Variants in CCDC6 observed in about 807,000 individuals in gnomAD.
CCDC6 encodes the protein coiled-coil domain containing 6.
CCDC6 carries 20 observed loss-of-function variants against 56.6 expected under a neutral mutation model. The observed-to-expected ratio is 0.35, with a 90% CI of 0.25 to 0.51. The LOEUF is 0.51. Among genes scored for constraint, CCDC6 ranks in the 20% least tolerant of loss-of-function variants. CCDC6 has a pLI of 0.95. For synonymous variants in CCDC6, 241 were observed against 234.4 expected, an observed-to-expected ratio of 1.03 and a Z score of -0.26; for missense variants, 367 against 601.1, an observed-to-expected ratio of 0.61 and a Z score of 4.07.
In CCDC6 at chr10:59,816,232, A is replaced by G. The variant is rs79423355; in HGVS notation, c.583-1477T>C. On this transcript the variant is annotated intron_variant, in intron 3 of 8. Coordinates refer to ENST00000263102, the MANE Select transcript of CCDC6 (RefSeq NM_005436.5). ...CAATCAAGACCTGAGAGGAAATGATATAAGGATAATGATATCATTATGTTC... is the reference window on the plus strand; with the variant it reads ...CAATCAAGACCTGAGAGGAAATGATGTAAGGATAATGATATCATTATGTTC... 2.8e-3 allele frequency among the ~76,000 whole-genome samples: 419 copies of G among 152,332 alleles called. 3 individuals are homozygous for G. Among genetic ancestry groups the G allele is most frequent in the African/African-American group, 9.7e-3 (405 of 41,574 alleles).
chr10:59,818,498 G>GGGC lies in CCDC6; in HGVS notation c.583-3744_583-3743insGCC, dbSNP rs1554883203. Reference sequence around the variant, plus strand: ...CGTCCTTTTATTATAATGTTGACGGGGGGGGGGGAAGCAGATTCTCAGTGG... The same window carrying GGGC: ...CGTCCTTTTATTATAATGTTGACGGGGGCGGGGGGGGAAGCAGATTCTCAGTGG... On this transcript the variant is annotated intron_variant, in intron 3 of 8. Coordinates refer to ENST00000263102, the MANE Select transcript of CCDC6 (RefSeq NM_005436.5). Among the ~76,000 whole-genome samples the GGGC allele has an allele frequency of 9.4e-5, 11 of 116,534 alleles. 2 individuals are homozygous for GGGC. The South Asian group carries it at 1.4e-3, about 15-fold the overall frequency. The allele number at this position is 116,534 out of a possible 152,430, so 76.5% of individuals were successfully genotyped here.
chr10:59,846,970 G>A (rs79789747), intron 2 of CCDC6, among the ~76,000 whole-genome samples: 1 of 152,208 alleles, frequency 6.6e-6, no homozygotes. Flanking sequence ...CTAAAACCAT[G>A]ATCAATCTCA....
intron 1 of CCDC6, among the ~76,000 whole-genome samples, chr10:59,900,750 G>A (rs188444367): frequency 1.6e-4 from 24 of 152,308 alleles, no homozygotes; most frequent in African/African-American, 5.3e-4. Context: ...GTAAAAGACT[G>A]TCATGACCTT....
chr10:59,816,206 A>G (rs1336430509), intron 3 of CCDC6, among the ~76,000 whole-genome samples: 1 of 152,178 alleles, frequency 6.6e-6, no homozygotes, highest in Non-Finnish European at 1.5e-5. Flanking sequence ...CAGAACCTGA[A>G]CAATCAAGAC....
chr10:59,809,065 G>T (rs962729019), intron 5 of CCDC6, among the ~76,000 whole-genome samples: 1 of 152,112 alleles, frequency 6.6e-6, no homozygotes, highest in South Asian at 2.1e-4. Context: ...TAATATAAAC[G>T]ATTTAAATTA....
intron 1 of CCDC6, among the ~76,000 whole-genome samples, chr10:59,881,318 A>G (rs190421285): frequency 6.6e-6 from 1 of 152,114 alleles, no homozygotes; most frequent in African/African-American, 2.4e-5. Context: ...TGTGTCCTGT[A>G]AGACTTCAGA....
chr10:59,847,289 G>A (rs914792051), intron 2 of CCDC6, among the ~76,000 whole-genome samples: 6 of 105,508 alleles, frequency 5.7e-5, no homozygotes, highest in African/African-American at 1.7e-4. Context: ...TCCTGACCTC[G>A]TGATCCGCCC....
intron 2 of CCDC6, among the ~76,000 whole-genome samples, chr10:59,837,398 G>T (rs1389403693): frequency 6.6e-6 from 1 of 152,156 alleles, no homozygotes; most frequent in Non-Finnish European, 1.5e-5. Context: ...CTTGCCAACC[G>T]AAGCAAGGCT....
chr10:59,819,857 C>G (rs1020611558), intron 3 of CCDC6, among the ~76,000 whole-genome samples: 5 of 152,160 alleles, frequency 3.3e-5, no homozygotes, highest in African/African-American at 9.7e-5. Context: ...CATCCAGCAC[C>G]AAGGGATAGA....
intron 1 of CCDC6, among the ~76,000 whole-genome samples, chr10:59,868,903 C>G (rs1247260175): frequency 1.3e-5 from 2 of 148,372 alleles, no homozygotes; most frequent in Admixed American, 6.6e-5. Flanking sequence ...TTGGTTTCCT[C>G]TGGACTTTGT....
chr10:59,842,587 T>G (rs1356380039), intron 2 of CCDC6, among the ~76,000 whole-genome samples: 2 of 152,202 alleles, frequency 1.3e-5, no homozygotes, highest in Non-Finnish European at 2.9e-5. Flanking sequence ...AATATATTGC[T>G]GACTTCATTT....
rs112267682 is a variant in CCDC6, at chr10:59,822,318, T to C, written c.583-7563A>G. ...TTTCAATGAGAAATAACTTTTGAAA[T>C]AGACACACATTTAATTACTCAGATT... On this transcript the variant is annotated intron_variant, in intron 3 of 8. Coordinates refer to ENST00000263102, the MANE Select transcript of CCDC6 (RefSeq NM_005436.5). Among the ~76,000 whole-genome samples the C allele has an allele frequency of 2.5e-3, 379 of 152,344 alleles. 4 individuals carry two copies. The highest frequency in any genetic ancestry group is 8.7e-3 in the African/African-American group (363 of 41,578).
chr10:59,795,251 C>G (rs529006050), intron 7 of CCDC6, among the ~76,000 whole-genome samples: 4 of 151,974 alleles, frequency 2.6e-5, no homozygotes, highest in Admixed American at 2.6e-4. Context: ...TAAGTAACTC[C>G]TATGACTCAA....
intron 4 of CCDC6, 96 bp from the exon 5 acceptor site, chr10:59,812,891 C>T (rs1328585173): frequency 1.2e-6 from 1 of 814,092 alleles, no homozygotes; most frequent in Non-Finnish European, 2.0e-6. Context: ...AAAGCAAACT[C>T]CTGTTTACTG....
Position 59,862,516 on chromosome 10 carries a change from TACACACAC to T in CCDC6, c.304-9822_304-9815del, listed in dbSNP as rs60162547. 7.9e-3 allele frequency among the ~76,000 whole-genome samples: 767 copies of T among 97,190 alleles called. 22 individuals carry two copies. Among genetic ancestry groups the T allele is most frequent in the South Asian group, 0.013 (36 of 2,766 alleles). 63.8% of individuals were successfully genotyped at this position (97,190 alleles called of 152,430 possible). A position where few individuals can be genotyped will look rare whatever the true frequency, so the allele number is the denominator to read the frequency against. On this transcript the variant is annotated intron_variant, in intron 1 of 8. Transcript: ENST00000263102. ...AAAAAAAAAAGTATATATATATATA[TACACACAC>T]ACACACACACACACACACACACACA...
intron 1 of CCDC6, among the ~76,000 whole-genome samples, chr10:59,895,732 C>T (rs572673696): frequency 3.0e-4 from 46 of 152,302 alleles, no homozygotes; most frequent in African/African-American, 5.1e-4. Context: ...TAGTCCTTGA[C>T]GTTCTGGAGG....
chr10:59,842,943 C>A (rs945876430), intron 2 of CCDC6, among the ~76,000 whole-genome samples: 1 of 151,752 alleles, frequency 6.6e-6, no homozygotes, highest in African/African-American at 2.4e-5. Context: ...TTAGTAGAGA[C>A]GGGGTTTCAC....
intron 2 of CCDC6, among the ~76,000 whole-genome samples, chr10:59,847,113 C>T (rs1007405108): frequency 1.1e-4 from 16 of 151,680 alleles, no homozygotes; most frequent in African/African-American, 3.6e-4. Flanking sequence ...AGTGCAGTGG[C>T]GCTATCTCGG....
chr10:59,806,843 C>A, intron 6 of CCDC6, 79 bp downstream of exon 6: 4 of 1,398,414 alleles, frequency 2.9e-6, no homozygotes, highest in Non-Finnish European at 3.9e-6. Context: ...ATACACCTAA[C>A]AGGATACCAA....
Sources: allele counts gnomAD v4.1 joint callset (sites outside exome capture counted in the v4.1 genomes callset), GRCh38; gene constraint gnomAD v4.1.1; transcripts MANE v1.5; gene names NCBI Gene and HGNC (gene_info 2026-07-23, HGNC 2026-07-21).